The following ANGPT4 variants were observed in gnomAD, a reference collection of about 807,000 sequenced individuals.
The protein encoded by ANGPT4 is angiopoietin 4.
Under a neutral mutation model 53.0 loss-of-function variants are expected in ANGPT4, and 50 were observed. The ratio of observed to expected loss-of-function variants is 0.94; its 90% CI spans 0.75 to 1.20. ANGPT4 has a LOEUF of 1.20. ANGPT4 is among the 50% of genes most tolerant of loss of function. ANGPT4 has a pLI of 0.00. For synonymous variants in ANGPT4, 251 were observed against 259.7 expected (o/e 0.97, Z 0.32); for missense variants, 648 against 637.1 (o/e 1.02, Z -0.18).
chr20:879,707 T>C (rs1981316309), intron 6 of ANGPT4, 40 bp downstream of exon 6: 1 of 1,574,970 alleles, frequency 6.3e-7, no homozygotes, highest in Non-Finnish European at 8.7e-7. Flanking sequence ...AGCCCCAGGT[T>C]TCAGAGCAGA....
At chr20:915,035 C>T (rs1391891581) in intron 1 of ANGPT4, among the ~76,000 whole-genome samples, 1 of 152,210 alleles carries the variant, frequency 6.6e-6, no homozygotes, top group Non-Finnish European at 1.5e-5. Context: ...CCCCTCCTAG[C>T]CCCGTTCTGC....
Position 878,332 on chromosome 20 carries a change from A to G in ANGPT4, c.1054-5T>C. 2 of 1,594,046 alleles carry G rather than the reference A, an allele frequency of 1.3e-6. No homozygotes were observed. Among genetic ancestry groups the G allele is most frequent in the Middle Eastern group, 3.5e-4 (2 of 5,660 alleles). On this transcript the variant is annotated splice_region_variant and splice_polypyrimidine_tract_variant and intron_variant, in intron 6 of 8. Coordinates refer to ENST00000381922, the MANE Select transcript of ANGPT4 (RefSeq NM_015985.4). ...CCCAGCTGGGTCTCCGAAGCCCTAT[A>G]GGGAGGGGAGCGTGGGGTGAGACTC...
In ANGPT4 at chr20:904,316, CA is replaced by C. The variant is rs143065451; in HGVS notation, c.309+11589del. ...ATCCCACCACCTGCCCTTCAGGCTA[CA>C]AAAACCTCAGCTTGCCATTCCACAC... On this transcript the variant is annotated intron_variant, in intron 1 of 8. Coordinates refer to ENST00000381922, the MANE Select transcript of ANGPT4 (RefSeq NM_015985.4). Among the ~76,000 whole-genome samples the C allele has an allele frequency of 1.9e-3, 287 of 152,304 alleles. 7 individuals are homozygous for C. The East Asian group carries it at 0.047, about 25-fold the overall frequency.
intron 1 of ANGPT4, among the ~76,000 whole-genome samples, chr20:891,286 C>T (rs1218323713): frequency 1.3e-5 from 2 of 152,214 alleles, no homozygotes; most frequent in Non-Finnish European, 2.9e-5. Context: ...TGTTTTCTAT[C>T]TTCAGATCCC....
chr20:895,313 G>T (rs1181076046), intron 1 of ANGPT4, among the ~76,000 whole-genome samples: 1 of 152,156 alleles, frequency 6.6e-6, no homozygotes, highest in Non-Finnish European at 1.5e-5. Context: ...CTGACCTTTT[G>T]TCACCCTTCC....
intron 1 of ANGPT4, among the ~76,000 whole-genome samples, chr20:906,865 A>G (rs1982495396): frequency 6.6e-6 from 1 of 152,226 alleles, no homozygotes; most frequent in Non-Finnish European, 1.5e-5. Flanking sequence ...GCTGAGAGCC[A>G]GGGGTAGAGA....
chr20:897,444 G>A (rs922444756), intron 1 of ANGPT4, among the ~76,000 whole-genome samples: 8 of 152,074 alleles, frequency 5.3e-5, no homozygotes, highest in African/African-American at 1.9e-4. Context: ...TCCAATTCGG[G>A]TTCCTTTTTC....
intron 4 of ANGPT4, 58 bp downstream of exon 4, chr20:885,020 C>T (rs1217524470): frequency 6.3e-7 from 1 of 1,596,448 alleles, no homozygotes; most frequent in Non-Finnish European, 8.5e-7. Context: ...TGAGCAGGGT[C>T]TCCCCTCCCC....
intron 1 of ANGPT4, among the ~76,000 whole-genome samples, chr20:891,798 C>T (rs560099982): frequency 6.6e-6 from 1 of 152,374 alleles, no homozygotes; most frequent in South Asian, 2.1e-4. Context: ...TCCATTATCA[C>T]ATCCTGGAGC....
rs1433435686 is a variant in ANGPT4, at chr20:881,087, TC to T, written c.951+83del. On this transcript the variant is annotated intron_variant, in intron 5 of 8. Coordinates refer to ENST00000381922, the MANE Select transcript of ANGPT4 (RefSeq NM_015985.4). ...ATTTCAGATACTGGACAAAGCCTGA[TC>T]CCGATGGGGTGCGGGGTGTCTGTTT... The T allele has an allele frequency of 7.2e-6, 8 of 1,114,938 alleles. No homozygotes were observed. The African/African-American group carries it at 1.3e-4, about 18-fold the overall frequency. The allele number at this position is 1,114,938 out of a possible 1,614,324, so 69.1% of individuals were successfully genotyped here.
intron 1 of ANGPT4, among the ~76,000 whole-genome samples, chr20:893,812 T>C (rs1981939432): frequency 6.6e-6 from 1 of 152,170 alleles, no homozygotes; most frequent in Non-Finnish European, 1.5e-5. Context: ...ACTTCTCTTT[T>C]TCTTAGCGGC....
intron 7 of ANGPT4, among the ~76,000 whole-genome samples, chr20:876,777 T>C (rs1254872733): frequency 6.6e-6 from 1 of 151,284 alleles, no homozygotes; most frequent in East Asian, 2.0e-4. Flanking sequence ...TAGGGGGACA[T>C]CCAGGGAATT....
chr20:915,066 C>T (rs1325767919), intron 1 of ANGPT4, among the ~76,000 whole-genome samples: 1 of 152,236 alleles, frequency 6.6e-6, no homozygotes, highest in African/African-American at 2.4e-5. Flanking sequence ...CGGTACCTTG[C>T]ACCTGATGGC....
chr20:897,157 A>C (rs979238343), intron 1 of ANGPT4, among the ~76,000 whole-genome samples: 3 of 152,084 alleles, frequency 2.0e-5, no homozygotes, highest in African/African-American at 4.8e-5. Flanking sequence ...GACTCAGTCC[A>C]CCTGCACCCA....
intron 6 of ANGPT4, 58 bp from the exon 7 acceptor site, chr20:878,385 C>T (rs929039300): frequency 6.5e-7 from 1 of 1,532,514 alleles, no homozygotes; most frequent in African/African-American, 1.4e-5. Flanking sequence ...ATGTCCCTGG[C>T]TGAGGAGCTG....
chr20:877,519 C>G (rs980570614), intron 7 of ANGPT4, among the ~76,000 whole-genome samples: 5 of 152,114 alleles, frequency 3.3e-5, no homozygotes, highest in Non-Finnish European at 7.4e-5. Context: ...AAAGTAGGTA[C>G]AGTAATGCCT....
chr20:903,797 C>T (rs373448446), intron 1 of ANGPT4, among the ~76,000 whole-genome samples: 7 of 152,086 alleles, frequency 4.6e-5, no homozygotes, highest in African/African-American at 7.2e-5. Flanking sequence ...CCCGGCCTGA[C>T]GGTAAAAGGA....
rs1193377851 is a variant in ANGPT4, at chr20:916,163, T to TG, written c.51dup (p.Thr18HisfsTer14). 1 of 1,614,134 alleles carries TG rather than the reference T, an allele frequency of 6.2e-7. No individual in the cohort carries two copies. The highest frequency in any genetic ancestry group is 8.5e-7 in the Non-Finnish European group (1 of 1,179,980). On this transcript the variant is annotated frameshift_variant, in exon 1 of 9. Transcript: ENST00000381922. LOFTEE classifies it high-confidence loss of function. ...CTTGTCTGTTGAGCCACAGACATGG[T>TG]GGCAACCACAAGGAGGAGGCTGCCC...
intron 1 of ANGPT4, among the ~76,000 whole-genome samples, chr20:892,732 A>T (rs1371102436): frequency 1.3e-5 from 2 of 152,086 alleles, no homozygotes; most frequent in African/African-American, 2.4e-5. Flanking sequence ...GAGTGCAGTG[A>T]TGTGATCACG....
Sources: gnomAD v4.1 joint callset for allele counts (sites outside exome capture counted in the v4.1 genomes callset) on GRCh38, gnomAD v4.1.1 for gene constraint, MANE v1.5 for transcripts, NCBI Gene and HGNC (gene_info 2026-07-23, HGNC 2026-07-21) for gene names.